WWOX: variants seen among roughly 807,000 people sequenced by gnomAD.
The protein encoded by WWOX is WW domain-containing oxidoreductase.
A neutral mutation model predicts 46.2 loss-of-function variants in WWOX; 69 were observed. The observed-to-expected ratio is 1.49, with a 90% CI of 1.23 to 1.82. WWOX has a LOEUF of 1.82. WWOX is among the 40% of genes most tolerant of loss of function. The probability of loss-of-function intolerance (pLI) is 0.00; values close to 1 mark genes in which losing one functional copy is unlikely to be tolerated. For missense variants in WWOX, 919 were observed against 542.6 expected (o/e 1.69, Z -6.89); for synonymous variants, 359 against 202.6 (o/e 1.77, Z -6.56).
At chr16:78,652,620 A>G (rs1297262432) in intron 8 of WWOX, among the ~76,000 whole-genome samples, 20 of 152,124 alleles carry the variant, frequency 1.3e-4, no homozygotes, top group Admixed American at 1.3e-3. Context: ...AGCTCCTGCC[A>G]TCATTAGCAC....
At chr16:78,846,743 C>T (rs2052308909) in intron 8 of WWOX, among the ~76,000 whole-genome samples, 1 of 152,016 alleles carries the variant, frequency 6.6e-6, no homozygotes, top group Non-Finnish European at 1.5e-5. Flanking sequence ...TTTGGGACTA[C>T]TTCTCAAATT....
intron 8 of WWOX, among the ~76,000 whole-genome samples, chr16:78,846,959 T>G (rs138927224): frequency 5.3e-5 from 8 of 152,364 alleles, no homozygotes; most frequent in Non-Finnish European, 1.0e-4. Context: ...AATACGACAG[T>G]ATTGTGATAT....
Position 78,099,885 on chromosome 16 carries a change from A to C in WWOX, c.107A>C (p.Asn36Thr), listed in dbSNP as rs1316489119. ...TTKDGWVYYA[N>T]HTEEKTQWEH... ...AAGGACGGCTGGGTTTACTACGCCAAGTAAGGGGGCCGCAGTGGGGCCGCG... is the reference window on the plus strand; with the variant it reads ...AAGGACGGCTGGGTTTACTACGCCACGTAAGGGGGCCGCAGTGGGGCCGCG... The change falls in exon 1 of 9, where the codon AAT becomes ACT. Residue 36 changes from asparagine to threonine, a missense_variant and splice_region_variant. Coordinates refer to ENST00000566780, the MANE Select transcript of WWOX (RefSeq NM_016373.4). The C allele has an allele frequency of 4.5e-6, 7 of 1,562,198 alleles. No homozygotes were observed. The highest frequency in any genetic ancestry group is 4.3e-6 in the Non-Finnish European group (5 of 1,154,312).
chr16:78,977,761 C>A (rs1349070117), intron 8 of WWOX, among the ~76,000 whole-genome samples: 1 of 152,056 alleles, frequency 6.6e-6, no homozygotes, highest in Non-Finnish European at 1.5e-5. Context: ...GAAGGACCCC[C>A]TTCCTAGGAT....
At chr16:78,488,418 C>T (rs943195859) in intron 8 of WWOX, among the ~76,000 whole-genome samples, 2 of 152,042 alleles carry the variant, frequency 1.3e-5, no homozygotes, top group Admixed American at 6.5e-5. Flanking sequence ...CAGTGGTACA[C>T]CTGAGCCCTT....
intron 6 of WWOX, among the ~76,000 whole-genome samples, chr16:78,413,026 G>C (rs931691605): frequency 1.7e-4 from 26 of 152,290 alleles, no homozygotes; most frequent in African/African-American, 6.3e-4. Flanking sequence ...CGCGTAGCAA[G>C]AATGAGCCAG....
At chr16:78,793,942 G>C (rs550185359) in intron 8 of WWOX, among the ~76,000 whole-genome samples, 10 of 152,204 alleles carry the variant, frequency 6.6e-5, no homozygotes, top group African/African-American at 2.4e-4. Context: ...ATATAGAAGA[G>C]GATGTAGGGC....
chr16:78,365,421 T>C (rs575124222), intron 5 of WWOX, among the ~76,000 whole-genome samples: 1 of 152,324 alleles, frequency 6.6e-6, no homozygotes, highest in Admixed American at 6.5e-5. Context: ...CTAGGGTTCT[T>C]GGCACACAGA....
intron 8 of WWOX, among the ~76,000 whole-genome samples, chr16:78,573,583 C>T (rs1408987715): frequency 1.3e-5 from 2 of 152,210 alleles, no homozygotes; most frequent in African/African-American, 2.4e-5. Context: ...GTTTATAATG[C>T]TCAGCTTGTC....
intron 8 of WWOX, among the ~76,000 whole-genome samples, chr16:78,844,302 T>G (rs1054753916): frequency 6.6e-6 from 1 of 152,208 alleles, no homozygotes; most frequent in African/African-American, 2.4e-5. Flanking sequence ...GATATTTATT[T>G]TTTCAAAGCT....
chr16:78,275,952 T>A (rs1209480858), intron 5 of WWOX, among the ~76,000 whole-genome samples: 1 of 151,986 alleles, frequency 6.6e-6, no homozygotes, highest in Non-Finnish European at 1.5e-5. Context: ...CTGCCTCTAA[T>A]CTGCTGCCCA....
chr16:78,332,354 G>C (rs1458707522), intron 5 of WWOX, among the ~76,000 whole-genome samples: 1 of 152,182 alleles, frequency 6.6e-6, no homozygotes, highest in African/African-American at 2.4e-5. Context: ...TGGATTATGA[G>C]TGCCTTCTAG....
intron 5 of WWOX, among the ~76,000 whole-genome samples, chr16:78,187,694 T>C (rs1225575779): frequency 6.6e-6 from 1 of 152,208 alleles, no homozygotes; most frequent in East Asian, 1.9e-4. Flanking sequence ...TGTGACATTG[T>C]GTAACAGAAA....
intron 8 of WWOX, among the ~76,000 whole-genome samples, chr16:78,578,574 C>T (rs1373943378): frequency 1.3e-5 from 2 of 151,860 alleles, no homozygotes; most frequent in Non-Finnish European, 2.9e-5. Context: ...AGGCGTGAGC[C>T]ACCGCGGCTG....
chr16:79,144,525 A>C (rs769432207), intron 8 of WWOX, among the ~76,000 whole-genome samples: 11 of 152,034 alleles, frequency 7.2e-5, no homozygotes, highest in Admixed American at 3.3e-4. Context: ...TTTCTACTCT[A>C]TTTCAGCTTC....
chr16:78,214,768 C>T (rs1026272556), intron 5 of WWOX, among the ~76,000 whole-genome samples: 2 of 151,296 alleles, frequency 1.3e-5, no homozygotes, highest in African/African-American at 4.9e-5. Context: ...TTATTTGTTT[C>T]TTAATGAGCT....
At chr16:78,312,237 G>A (rs888760244) in intron 5 of WWOX, among the ~76,000 whole-genome samples, 3 of 152,024 alleles carry the variant, frequency 2.0e-5, no homozygotes, top group Non-Finnish European at 4.4e-5. Flanking sequence ...GCGTAGTCTC[G>A]ATTTTATTTT....
At chr16:79,206,900 T>G (rs2051531125) in intron 8 of WWOX, among the ~76,000 whole-genome samples, 1 of 152,202 alleles carries the variant, frequency 6.6e-6, no homozygotes, top group African/African-American at 2.4e-5. Flanking sequence ...AGATTGCTCT[T>G]GGATAGTGAG....
chr16:78,940,370 T>C (rs1312057109), intron 8 of WWOX, among the ~76,000 whole-genome samples: 2 of 152,348 alleles, frequency 1.3e-5, no homozygotes, highest in South Asian at 2.1e-4. Flanking sequence ...GGTAGATTTT[T>C]AATGGGGTTA....
Sources: gnomAD v4.1 joint callset for allele counts (sites outside exome capture counted in the v4.1 genomes callset) on GRCh38, gnomAD v4.1.1 for gene constraint, MANE v1.5 for transcripts, NCBI Gene and HGNC (gene_info 2026-07-23, HGNC 2026-07-21) for gene names.